BABAM2: variants seen among roughly 807,000 people sequenced by gnomAD.
The protein encoded by BABAM2 is BRISC and BRCA1-A complex member 2.
BABAM2 carries 31 observed loss-of-function variants against 54.7 expected under a neutral mutation model. The observed-to-expected ratio is 0.57, with a 90% CI of 0.43 to 0.77. The LOEUF (loss-of-function observed/expected upper bound fraction) is 0.77, where lower values mean the gene tolerates loss of function less well. Ranked by LOEUF, BABAM2 falls within the 30% of genes least tolerant of loss-of-function variation. The pLI is 0.00. For synonymous variants in BABAM2, 167 were observed against 162.9 expected (o/e 1.03, Z -0.19); for missense variants, 364 against 455.8 (o/e 0.80, Z 1.83).
intron 7 of BABAM2, among the ~76,000 whole-genome samples, chr2:28,179,349 G>A (rs550132377): frequency 6.6e-6 from 1 of 152,072 alleles, no homozygotes; most frequent in Non-Finnish European, 1.5e-5. Flanking sequence ...CAAAAGATAC[G>A]ATATAGCCAT....
chr2:28,331,860 A>G (rs1364833890), intron 11 of BABAM2, among the ~76,000 whole-genome samples: 1 of 152,220 alleles, frequency 6.6e-6, no homozygotes, highest in Admixed American at 6.5e-5. Context: ...ATAAAGATAC[A>G]TGCACGCATA....
intron 7 of BABAM2, among the ~76,000 whole-genome samples, chr2:28,198,814 AG>A (rs1388758489): frequency 6.6e-6 from 1 of 152,100 alleles, no homozygotes; most frequent in African/African-American, 2.4e-5. Flanking sequence ...TACAAGTGGG[AG>A]GGGAAAATAA....
chr2:28,172,858 A>G (rs779378310), intron 7 of BABAM2, among the ~76,000 whole-genome samples: 2 of 152,224 alleles, frequency 1.3e-5, no homozygotes, highest in African/African-American at 4.8e-5. Flanking sequence ...ACAAAGTGCC[A>G]TAGACTGAGT....
In BABAM2 at chr2:28,218,270, A is replaced by G. The variant is rs993183050; in HGVS notation, c.681-18932A>G. Reference sequence around the variant, plus strand: ...GTGCAGTTATCAAATCAGGCAGTGTATCATTGACACAGTACTATTATCTAA... The same window carrying G: ...GTGCAGTTATCAAATCAGGCAGTGTGTCATTGACACAGTACTATTATCTAA... On this transcript the variant is annotated intron_variant, in intron 7 of 11. Coordinates refer to ENST00000379624, the MANE Select transcript of BABAM2 (RefSeq NM_199191.3). 8.5e-5 allele frequency among the ~76,000 whole-genome samples: 13 copies of G among 152,348 alleles called. 1 individual carries two copies. Among genetic ancestry groups the G allele is most frequent in the Admixed American group, 5.9e-4 (9 of 15,306 alleles).
At chr2:28,125,518 C>G (rs1669446721) in intron 6 of BABAM2, among the ~76,000 whole-genome samples, 1 of 152,090 alleles carries the variant, frequency 6.6e-6, no homozygotes, top group African/African-American at 2.4e-5. Context: ...GTCTTGAACT[C>G]CTGACCTCAG....
chr2:28,234,502 T>C (rs1681722348), intron 7 of BABAM2, among the ~76,000 whole-genome samples: 1 of 152,222 alleles, frequency 6.6e-6, no homozygotes, highest in Non-Finnish European at 1.5e-5. Context: ...CTTCCATGTA[T>C]ATAATTTAAT....
chr2:28,105,227 T>A (rs941703996), intron 6 of BABAM2, among the ~76,000 whole-genome samples: 1 of 151,410 alleles, frequency 6.6e-6, no homozygotes, highest in Admixed American at 6.6e-5. Flanking sequence ...GTTTGTGATG[T>A]CAAAAAAAAA....
chr2:28,307,041 C>T (rs1260923278), intron 11 of BABAM2, among the ~76,000 whole-genome samples: 2 of 84,666 alleles, frequency 2.4e-5, no homozygotes, highest in Non-Finnish European at 4.3e-5. Context: ...GAGTCTTATT[C>T]TGTCACCCAG....
At chr2:27,991,211 A>G (rs997147782) in intron 4 of BABAM2, among the ~76,000 whole-genome samples, 2 of 152,180 alleles carry the variant, frequency 1.3e-5, no homozygotes, top group Non-Finnish European at 2.9e-5. Context: ...AGAACTTATT[A>G]AATTCTCTGG....
chr2:28,158,196 A>G (rs1672732809), intron 7 of BABAM2, among the ~76,000 whole-genome samples: 1 of 152,232 alleles, frequency 6.6e-6, no homozygotes, highest in African/African-American at 2.4e-5. Flanking sequence ...AAATGAAACA[A>G]CTAATGAACA....
intron 11 of BABAM2, among the ~76,000 whole-genome samples, chr2:28,306,559 A>G (rs1386286853): frequency 1.3e-5 from 2 of 151,902 alleles, no homozygotes; most frequent in Non-Finnish European, 2.9e-5. Context: ...TATTTTTTAC[A>G]TGGTATATAT....
At chr2:28,167,311 A>T (rs1433913185) in intron 7 of BABAM2, among the ~76,000 whole-genome samples, 2 of 152,256 alleles carry the variant, frequency 1.3e-5, no homozygotes, top group Non-Finnish European at 2.9e-5. Context: ...TGTAAGTAGC[A>T]TAATCAAGGA....
chr2:28,104,837 C>T (rs1667369647), intron 6 of BABAM2, among the ~76,000 whole-genome samples: 1 of 152,194 alleles, frequency 6.6e-6, no homozygotes, highest in Non-Finnish European at 1.5e-5. Flanking sequence ...GGCACTTATA[C>T]ACCATGGAAT....
rs1672386816 is a variant in BABAM2 at position 27,986,206 on chromosome 2, G to A, written c.206-1787G>A. ...GACTCATTTAAGTTTCTTGAGTTAG[G>A]AAGTTTTGGGACAAAATAGCACATT... is the stretch of plus-strand genomic sequence containing the variant. On this transcript the variant is annotated intron_variant, in intron 3 of 11. Coordinates refer to ENST00000379624, the MANE Select transcript of BABAM2 (RefSeq NM_199191.3). Among the ~76,000 whole-genome samples, 4 of 152,158 alleles carry A rather than the reference G, an allele frequency of 2.6e-5. No homozygotes were observed. In the South Asian group the frequency reaches 8.3e-4, roughly 31 times the overall value.
intron 4 of BABAM2, among the ~76,000 whole-genome samples, chr2:28,005,075 A>G (rs1353295630): frequency 1.3e-5 from 2 of 152,218 alleles, no homozygotes; most frequent in Admixed American, 6.5e-5. Context: ...TATACAGATT[A>G]AATTAAAAAG....
chr2:27,898,830 AC>A (rs752286266), intron 2 of BABAM2, among the ~76,000 whole-genome samples: 14 of 152,186 alleles, frequency 9.2e-5, no homozygotes, highest in Non-Finnish European at 7.4e-5. Flanking sequence ...TTTTGGAGTA[AC>A]AAAAATGTTG....
At chr2:28,208,296 C>T (rs2147978258) in intron 7 of BABAM2, among the ~76,000 whole-genome samples, 1 of 152,268 alleles carries the variant, frequency 6.6e-6, no homozygotes, top group South Asian at 2.1e-4. Context: ...TGAAATGTTT[C>T]CTAACTGGAT....
At chr2:27,961,308 C>G (rs912843937) in intron 3 of BABAM2, among the ~76,000 whole-genome samples, 1 of 152,148 alleles carries the variant, frequency 6.6e-6, no homozygotes, top group African/African-American at 2.4e-5. Context: ...TTTCCCTTTG[C>G]GGTGGTGCGA....
chr2:28,204,130 T>C (rs1678573316), intron 7 of BABAM2, among the ~76,000 whole-genome samples: 1 of 152,224 alleles, frequency 6.6e-6, no homozygotes, highest in Non-Finnish European at 1.5e-5. Flanking sequence ...TTTGTTGGAG[T>C]TACTTACATA....
Sources: allele counts gnomAD v4.1 joint callset (sites outside exome capture counted in the v4.1 genomes callset), GRCh38; gene constraint gnomAD v4.1.1; transcripts MANE v1.5; gene names NCBI Gene and HGNC (gene_info 2026-07-23, HGNC 2026-07-21).